Variants in STAT3 observed in about 807,000 individuals in gnomAD.
STAT3 encodes signal transducer and activator of transcription 3.
A neutral mutation model predicts 114.3 loss-of-function variants in STAT3; 7 were observed. That is an observed-to-expected ratio of 0.06 (90% CI 0.03 to 0.11). STAT3 has a LOEUF of 0.11. Among genes scored for constraint, STAT3 ranks in the 10% least tolerant of loss-of-function variants. The pLI is 1.00. For synonymous variants in STAT3, 331 were observed against 354.5 expected, an observed-to-expected ratio of 0.93 and a Z score of 0.74; for missense variants, 364 against 960.9, an observed-to-expected ratio of 0.38 and a Z score of 8.21.
At chr17:42,373,186 C>G (rs1245079116) in intron 1 of STAT3, among the ~76,000 whole-genome samples, 3 of 151,912 alleles carry the variant, frequency 2.0e-5, no homozygotes, top group Admixed American at 6.6e-5. Context: ...CTGTCTCTAT[C>G]AAACATACAA....
At chr17:42,376,622 G>A (rs953248514) in intron 1 of STAT3, among the ~76,000 whole-genome samples, 4 of 151,560 alleles carry the variant, frequency 2.6e-5, no homozygotes, top group South Asian at 2.1e-4. Flanking sequence ...CAAAGCGGGC[G>A]GATCACAAGG....
intron 1 of STAT3, among the ~76,000 whole-genome samples, chr17:42,365,749 G>A (rs920624953): frequency 6.7e-6 from 1 of 149,128 alleles, no homozygotes; most frequent in Non-Finnish European, 1.5e-5. Flanking sequence ...TCCACCTCCC[G>A]GGTTGAAGTG....
chr17:42,360,425 A>G (rs2083456351), intron 1 of STAT3, among the ~76,000 whole-genome samples: 1 of 151,866 alleles, frequency 6.6e-6, no homozygotes, highest in Non-Finnish European at 1.5e-5. Flanking sequence ...CAGGTGGATC[A>G]CCTGAGGTCG....
At chr17:42,380,958 C>A (rs923609400) in intron 1 of STAT3, among the ~76,000 whole-genome samples, 11 of 152,158 alleles carry the variant, frequency 7.2e-5, no homozygotes, top group African/African-American at 2.4e-4. Flanking sequence ...TTGAATGTTA[C>A]CTGTCTGCCC....
chr17:42,383,047 G>A (rs899029181), intron 1 of STAT3, among the ~76,000 whole-genome samples: 6 of 151,796 alleles, frequency 4.0e-5, no homozygotes, highest in African/African-American at 1.2e-4. Context: ...TCCTTCCTCT[G>A]AAGACATGTA....
intron 10 of STAT3, among the ~76,000 whole-genome samples, chr17:42,332,202 C>T (rs550225542): frequency 6.7e-6 from 1 of 150,250 alleles, no homozygotes; most frequent in South Asian, 2.2e-4. Flanking sequence ...GCTGGGATTA[C>T]AGGCGAGAGC....
chr17:42,369,677 G>C (rs114752861), intron 1 of STAT3, among the ~76,000 whole-genome samples: 1 of 151,970 alleles, frequency 6.6e-6, no homozygotes, highest in Non-Finnish European at 1.5e-5. Flanking sequence ...AAGAGACAGG[G>C]TCTCACTCTG....
chr17:42,319,510 CCA>C (rs2081379445), intron 21 of STAT3, among the ~76,000 whole-genome samples: 1 of 135,804 alleles, frequency 7.4e-6, no homozygotes, highest in Admixed American at 8.3e-5. Context: ...CCACTGCACT[CCA>C]GTCTGGACGA....
At chr17:42,357,175 G>A (rs1294546852) in intron 1 of STAT3, among the ~76,000 whole-genome samples, 1 of 152,060 alleles carries the variant, frequency 6.6e-6, no homozygotes, top group Non-Finnish European at 1.5e-5. Context: ...CCCACTGAGG[G>A]CCACATAATT....
rs931332875 is a variant in STAT3, at chr17:42,345,610, C to T, written c.321G>A (p.Arg107=). ...KPMEIARIVA[R]CLWEESRLLQ... The stretch of plus-strand genomic sequence containing the variant: ...GAAGGCGTGATTCTTCCCACAGGCA[C>T]CGGGCCACAATCCGGGCAATCTCCA... The change falls in exon 4 of 24, where the codon CGG becomes CGA. Residue 107 remains arginine (R), a synonymous_variant. Coordinates refer to ENST00000264657, the MANE Select transcript of STAT3 (RefSeq NM_139276.3). 1 of 1,608,962 alleles carries T rather than the reference C, an allele frequency of 6.2e-7. No homozygotes were observed. The highest frequency in any genetic ancestry group is 8.5e-7 in the Non-Finnish European group (1 of 1,177,094).
rs937544615 is a variant in STAT3, at chr17:42,314,097, G to A, written c.*1648C>T. On this transcript the variant is annotated 3_prime_UTR_variant, in exon 24 of 24. Transcript: ENST00000264657. ...GCGAGCTAGCCAGCCAAGGCGGGCA[G>A]GCGGGGAGGCCCTCTAGCTGTTCTG... is the stretch of plus-strand genomic sequence containing the variant. 14 of 232,234 alleles carry A rather than the reference G, an allele frequency of 6.0e-5. No homozygotes were observed. The highest frequency in any genetic ancestry group is 8.5e-5 in the Non-Finnish European group (10 of 117,400). 14.4% of individuals were successfully genotyped at this position (232,234 alleles called of 1,614,324 possible).
rs1391959003 is a variant in STAT3, at chr17:42,345,556, C to T, written c.372+3G>A. 2 of 1,599,788 alleles carry T rather than the reference C, an allele frequency of 1.3e-6. No individual in the cohort carries two copies. Among genetic ancestry groups the T allele is most frequent in the Non-Finnish European group, 8.5e-7 (1 of 1,171,668 alleles). ...CAGGGATTTGTTTTGTCTCAGGTCT[C>T]ACCTGGGCCGCAGTGGCTGCAGTCT... is the stretch of plus-strand genomic sequence containing the variant. On this transcript the variant is annotated splice_donor_region_variant and intron_variant, in intron 4 of 23. Transcript: ENST00000264657.
chr17:42,354,415 G>A (rs1454769759), intron 1 of STAT3, among the ~76,000 whole-genome samples: 13 of 149,384 alleles, frequency 8.7e-5, no homozygotes, highest in Non-Finnish European at 7.4e-5. Context: ...TGATCCGCCC[G>A]CCTCGGCCTC....
At chr17:42,342,115 G>A (rs538794905) in intron 4 of STAT3, among the ~76,000 whole-genome samples, 99 of 152,064 alleles carry the variant, frequency 6.5e-4, no homozygotes, top group South Asian at 2.1e-3. Flanking sequence ...TAACCTCTTG[G>A]GCTACAGGGC....
chr17:42,339,228 C>G (rs2082342069), intron 5 of STAT3, 86 bp downstream of exon 5: 7 of 1,352,168 alleles, frequency 5.2e-6, no homozygotes, highest in Non-Finnish European at 7.2e-6. Flanking sequence ...TGCAGCCCAG[C>G]CTGAGTGGCA....
At chr17:42,343,023 T>C (rs1300446561) in intron 4 of STAT3, among the ~76,000 whole-genome samples, 1 of 134,710 alleles carries the variant, frequency 7.4e-6, no homozygotes, top group Non-Finnish European at 1.5e-5. Context: ...AAAAAAAAAA[T>C]TAGCTGGGCA....
chr17:42,330,523 G>A (rs1051325850), intron 11 of STAT3, among the ~76,000 whole-genome samples: 1 of 148,930 alleles, frequency 6.7e-6, no homozygotes, highest in African/African-American at 2.5e-5. Flanking sequence ...CCACCTCCCA[G>A]GTTCATGCCA....
chr17:42,328,016 G>C (rs1406267672), intron 14 of STAT3, among the ~76,000 whole-genome samples: 1 of 147,488 alleles, frequency 6.8e-6, no homozygotes, highest in Non-Finnish European at 1.5e-5. Flanking sequence ...ACTGCAATCC[G>C]ATAGAACGAG....
At chr17:42,361,268 G>A (rs907371712) in intron 1 of STAT3, among the ~76,000 whole-genome samples, 1 of 152,078 alleles carries the variant, frequency 6.6e-6, no homozygotes, top group Non-Finnish European at 1.5e-5. Context: ...ATCAGCTGAC[G>A]TCAGGAGTTC....
Sources: gnomAD v4.1 joint callset for allele counts (sites outside exome capture counted in the v4.1 genomes callset) on GRCh38, gnomAD v4.1.1 for gene constraint, MANE v1.5 for transcripts, NCBI Gene and HGNC (gene_info 2026-07-23, HGNC 2026-07-21) for gene names.